The following TRIM5 variants were observed in gnomAD, a reference collection of about 807,000 sequenced individuals.
TRIM5 encodes tripartite motif-containing protein 5.
Under a neutral mutation model 35.6 loss-of-function variants are expected in TRIM5, and 31 were observed. That is an observed-to-expected ratio of 0.87 (90% confidence interval 0.65 to 1.18). TRIM5 has a LOEUF of 1.18. Among genes scored for constraint, TRIM5 ranks in the 50% most tolerant of loss-of-function variants. The pLI, the probability that TRIM5 is intolerant of heterozygous loss-of-function variation, is 0.00. For missense variants in TRIM5, 609 were observed against 591.6 expected (o/e 1.03, Z -0.31); for synonymous variants, 243 against 215.6 (o/e 1.13, Z -1.11).
At chr11:5,628,831 G>A in the TRIM5 span, among the ~76,000 whole-genome samples, 3 of 150,976 alleles carry the variant, frequency 2.0e-5, no homozygotes, top group African/African-American at 7.3e-5. Context: ...AAGGCTCTAT[G>A]TGAAAATCGG....
At chr11:5,605,507 G>A in the TRIM5 span, 1 of 1,614,184 alleles carries the variant, frequency 6.2e-7, no homozygotes, top group Non-Finnish European at 8.5e-7. Flanking sequence ...CCCAGTCGCT[G>A]CGAGAGCTCA....
At chr11:5,643,074 A>G in the TRIM5 span, 1 of 1,279,700 alleles carries the variant, frequency 7.8e-7, no homozygotes, top group South Asian at 1.9e-5. Context: ...CATATCTGTC[A>G]CCTAATCATA....
the TRIM5 span, among the ~76,000 whole-genome samples, chr11:5,616,897 C>T: frequency 7.0e-6 from 1 of 143,064 alleles, no homozygotes; most frequent in Admixed American, 7.0e-5. Context: ...CTGCCACCTT[C>T]GGCTAATTTT....
At chr11:5,653,965 A>T in the TRIM5 span, among the ~76,000 whole-genome samples, 1 of 151,396 alleles carries the variant, frequency 6.6e-6, no homozygotes, top group Non-Finnish European at 1.5e-5. Context: ...ATATTTTTTT[A>T]TTTCATTCCT....
At chr11:5,652,288 A>G in the TRIM5 span, among the ~76,000 whole-genome samples, 8 of 151,952 alleles carry the variant, frequency 5.3e-5, no homozygotes, top group African/African-American at 1.9e-4. Flanking sequence ...TAGGGTTTTT[A>G]TAAGTTTTAG....
At chr11:5,600,486 T>G in the TRIM5 span, among the ~76,000 whole-genome samples, 2 of 152,176 alleles carry the variant, frequency 1.3e-5, no homozygotes, top group South Asian at 4.1e-4. Context: ...TTCGGCTCGC[T>G]AGATCCCCCA....
the TRIM5 span, among the ~76,000 whole-genome samples, chr11:5,595,830 C>T: frequency 6.6e-6 from 1 of 151,814 alleles, no homozygotes; most frequent in Non-Finnish European, 1.5e-5. Context: ...GTAGCTAGGA[C>T]CACAGGCGCG....
the TRIM5 span, among the ~76,000 whole-genome samples, chr11:5,642,232 GAC>G: frequency 6.6e-6 from 1 of 152,296 alleles, no homozygotes; most frequent in East Asian, 1.9e-4. Context: ...AGGGAAAGTA[GAC>G]ACAGTCACAT....
At chr11:5,676,392 C>T (rs940242765) in intron 4 of TRIM5, among the ~76,000 whole-genome samples, 1 of 151,824 alleles carries the variant, frequency 6.6e-6, no homozygotes, top group Non-Finnish European at 1.5e-5. Flanking sequence ...AGGAATCCAA[C>T]TTACAAGGGA....
the TRIM5 span, among the ~76,000 whole-genome samples, chr11:5,591,553 C>T: frequency 3.9e-5 from 6 of 151,954 alleles, no homozygotes; most frequent in African/African-American, 1.5e-4. Flanking sequence ...GAGGCTGAGG[C>T]AGGAGAATCG....
At chr11:5,599,596 G>T in the TRIM5 span, among the ~76,000 whole-genome samples, 6 of 152,028 alleles carry the variant, frequency 3.9e-5, no homozygotes, top group Admixed American at 1.3e-4. Flanking sequence ...GTAGAGACAG[G>T]GTTTCACCGT....
the TRIM5 span, chr11:5,642,496 A>G: frequency 1.2e-6 from 2 of 1,613,850 alleles, no homozygotes; most frequent in Admixed American, 1.7e-5. Flanking sequence ...GGATGCTGCA[A>G]ATGTTTAGAG....
the TRIM5 span, among the ~76,000 whole-genome samples, chr11:5,609,608 AAAAC>A: frequency 6.6e-6 from 1 of 152,204 alleles, no homozygotes; most frequent in African/African-American, 2.4e-5. Flanking sequence ...CAACAACAGA[AAAAC>A]AAAATGAGAC....
At chr11:5,622,030 C>A in the TRIM5 span, among the ~76,000 whole-genome samples, 347 of 152,162 alleles carry the variant, frequency 2.3e-3, 1 homozygote, top group Non-Finnish European at 3.8e-3. Flanking sequence ...TCTATATTAT[C>A]TGAGATCTGT....
the TRIM5 span, among the ~76,000 whole-genome samples, chr11:5,656,100 A>C: frequency 6.6e-6 from 1 of 152,222 alleles, no homozygotes; most frequent in South Asian, 2.1e-4. Context: ...ATGGGCAAAG[A>C]CTTCATGACT....
At chr11:5,659,259 T>C (rs1219656267), downstream of TRIM5, among the ~76,000 whole-genome samples, 1 of 152,050 alleles carries the variant, frequency 6.6e-6, no homozygotes, top group Non-Finnish European at 1.5e-5. Flanking sequence ...CCGTCTGCAT[T>C]CTCCCCTAGA....
At chr11:5,592,565 AAAAG>A in the TRIM5 span, among the ~76,000 whole-genome samples, 3 of 152,162 alleles carry the variant, frequency 2.0e-5, no homozygotes, top group African/African-American at 7.2e-5. Flanking sequence ...GTGTCTGCTG[AAAAG>A]AAAGAACAAA....
At chr11:5,621,449 G>T in the TRIM5 span, among the ~76,000 whole-genome samples, 2 of 152,172 alleles carry the variant, frequency 1.3e-5, no homozygotes, top group Non-Finnish European at 2.9e-5. Flanking sequence ...ACATGCCCAT[G>T]GAAATAGCTG....
chr11:5,682,916 T>C (rs12806098), intron 1 of TRIM5, among the ~76,000 whole-genome samples: 60,885 of 152,174 alleles, frequency 0.4, 12,561 homozygotes, highest in Non-Finnish European at 0.46. Context: ...AGGCCGGAGC[T>C]GGCTCCCTCA....
Sources: allele counts gnomAD v4.1 joint callset (sites outside exome capture counted in the v4.1 genomes callset), GRCh38; gene constraint gnomAD v4.1.1; transcripts MANE v1.5; gene names NCBI Gene and HGNC (gene_info 2026-07-23, HGNC 2026-07-21).